DVL2: variants seen among roughly 807,000 people sequenced by gnomAD.
The protein encoded by DVL2 is dishevelled segment polarity protein 2.
Under a neutral mutation model 69.8 loss-of-function variants are expected in DVL2, and 38 were observed. That is an observed-to-expected ratio of 0.54 (90% CI 0.42 to 0.71). DVL2 has a LOEUF of 0.71. DVL2 is among the 30% of genes least tolerant of loss of function. The pLI, the probability that DVL2 is intolerant of heterozygous loss-of-function variation, is 0.00. For missense variants in DVL2, 931 were observed against 1,008.1 expected (o/e 0.92, Z 1.04); for synonymous variants, 428 against 392.4 (o/e 1.09, Z -1.07).
chr17:7,234,027 C>CT, intron 1 of DVL2, 42 bp downstream of exon 1: 1 of 1,605,658 alleles, frequency 6.2e-7, no homozygotes, highest in Non-Finnish European at 8.5e-7. Context: ...CCAATCCACT[C>CT]TAGCAAAGCC....
At chr17:7,226,882 C>T (rs924532469) in intron 13 of DVL2, 3 of 637,932 alleles carry the variant, frequency 4.7e-6, no homozygotes, top group African/African-American at 1.8e-5. Context: ...CCGGTGGACA[C>T]AGTCCTGCAC....
chr17:7,228,933 G>T (rs760224137), intron 9 of DVL2, 36 bp downstream of exon 9: 8 of 1,591,810 alleles, frequency 5.0e-6, no homozygotes, highest in Non-Finnish European at 6.9e-6. Context: ...GAAAAAAAAA[G>T]AGGACTGAGG....
At chr17:7,230,958 GA>G (rs536947193) in intron 1 of DVL2, among the ~76,000 whole-genome samples, 161 bp from the exon 2 acceptor site, 42 of 152,060 alleles carry the variant, frequency 2.8e-4, no homozygotes, top group African/African-American at 9.4e-4. Flanking sequence ...CGACACCTAA[GA>G]AATCTCCAAA....
intron 10 of DVL2, 92 bp from the exon 11 acceptor site, chr17:7,227,875 C>T: frequency 2.6e-6 from 4 of 1,559,138 alleles, no homozygotes; most frequent in Non-Finnish European, 2.6e-6. Flanking sequence ...CCACCTCTGC[C>T]TGGACCCTCC....
rs1414725847 is a variant in DVL2, at chr17:7,229,508, G to A, written c.748-61C>T. 2 of 1,612,284 alleles carry A rather than the reference G, an allele frequency of 1.2e-6. No individual in the cohort carries two copies. Among genetic ancestry groups the A allele is most frequent in the East Asian group, 2.2e-5 (1 of 44,890 alleles). Reference sequence around the variant, plus strand: ...AACCCAGGGTCAACCCTGGGGTGCTGCCGGTGTCCTGGCACCGCCCAAACC... The same window carrying A: ...AACCCAGGGTCAACCCTGGGGTGCTACCGGTGTCCTGGCACCGCCCAAACC... On this transcript the variant is annotated intron_variant, in intron 6 of 14. Transcript: ENST00000005340. The surrounding 1 kb of genome is among the most constrained non-coding windows in gnomAD (Gnocchi z 4.4).
chr17:7,233,538 G>T (rs368203563), intron 1 of DVL2, among the ~76,000 whole-genome samples: 3 of 152,140 alleles, frequency 2.0e-5, no homozygotes, highest in Non-Finnish European at 4.4e-5. Context: ...CCGCCTCCCA[G>T]GTTCAAGAGA....
rs200861978 is a variant in DVL2 at position 7,229,328 on chromosome 17, C to T, written c.817+50G>A. 1.9e-4 allele frequency: 303 copies of T among 1,613,426 alleles called. 1 individual carries two copies. The African/African-American group carries it at 3.6e-3, about 19-fold the overall frequency. ...AGCCCCTGCCACAGGACGCCCGGAA[C>T]CCTAGAGACCAGGCCCTCCCCACGC... On this transcript the variant is annotated intron_variant, in intron 7 of 14. Transcript: ENST00000005340. This position sits in a 1 kb window ranked among gnomAD's most constrained non-coding sequence, Gnocchi z 4.4.
At chr17:7,233,853 A>T (rs144259949) in intron 1 of DVL2, 63 of 617,552 alleles carry the variant, frequency 1.0e-4, no homozygotes, top group Admixed American at 7.9e-4. Context: ...ATCTTGTCTA[A>T]TCTGGTTTAG....
rs2071431873 is a variant in DVL2 at position 7,225,656 on chromosome 17, AC to A, written c.*208del. The A allele has an allele frequency of 5.3e-6, 3 of 567,234 alleles. No homozygotes were observed. Among genetic ancestry groups the A allele is most frequent in the East Asian group, 6.0e-5 (2 of 33,074 alleles). 35.1% of individuals were successfully genotyped at this position (567,234 alleles called of 1,614,324 possible). On this transcript the variant is annotated 3_prime_UTR_variant, in exon 15 of 15. Coordinates refer to ENST00000005340, the MANE Select transcript of DVL2 (RefSeq NM_004422.3). ...AACCCCCAAAAAGGCTTATAAAAAA[AC>A]AAAGCTAAAAATAATCAAAGGTCCC...
rs985536911 is a variant in DVL2, at chr17:7,226,700, C to T, written c.1544-61G>A. 8.5e-6 allele frequency: 11 copies of T among 1,295,474 alleles called. No homozygotes were observed. In the African/African-American group the frequency reaches 1.0e-4, roughly 12 times the overall value. 80.2% of individuals were successfully genotyped at this position (1,295,474 alleles called of 1,614,324 possible). A position where few individuals can be genotyped will look rare whatever the true frequency, so the allele number is the denominator to read the frequency against. ...TTCAAGAGGCTAGGGCCCCAAGACA[C>T]CGAATGGAGAGGAACTGGGAACAGT... On this transcript the variant is annotated intron_variant, in intron 13 of 14. Transcript: ENST00000005340.
chr17:7,233,260 T>A (rs552307590), intron 1 of DVL2, among the ~76,000 whole-genome samples: 9 of 152,084 alleles, frequency 5.9e-5, no homozygotes, highest in Admixed American at 5.2e-4. Flanking sequence ...CAGCCTACAA[T>A]GCCCCCACAC....
At chr17:7,227,841 C>A (rs1017290510) in intron 10 of DVL2, 58 bp from the exon 11 acceptor site, 7 of 1,556,384 alleles carry the variant, frequency 4.5e-6, no homozygotes, top group Non-Finnish European at 6.1e-6. Flanking sequence ...CCAGCCCAGT[C>A]CCTCCCTGAC....
rs1286990031 is a variant in DVL2 at position 7,227,586 on chromosome 17, G to A, written c.1232-51C>T. ...AGAGTCAGGGATCGCTCCCACAAGGGCAATGGATCAGACCACTGCGGGACA... is the reference window on the plus strand; with the variant it reads ...AGAGTCAGGGATCGCTCCCACAAGGACAATGGATCAGACCACTGCGGGACA... On this transcript the variant is annotated intron_variant, in intron 11 of 14. Coordinates refer to ENST00000005340, the MANE Select transcript of DVL2 (RefSeq NM_004422.3). The A allele has an allele frequency of 2.5e-6, 4 of 1,613,250 alleles. No homozygotes were observed. In the African/African-American group the frequency reaches 5.3e-5, roughly 22 times the overall value.
At chr17:7,232,685 C>T (rs547736263) in intron 1 of DVL2, among the ~76,000 whole-genome samples, 3 of 152,338 alleles carry the variant, frequency 2.0e-5, no homozygotes, top group African/African-American at 7.2e-5. Context: ...AAGATAACTC[C>T]CAAGATAGTA....
rs2071597075 is a variant in DVL2, at chr17:7,234,178, C to T, written c.85G>A (p.Val29Met). 1 of 1,614,032 alleles carries T rather than the reference C, an allele frequency of 6.2e-7. No homozygotes were observed. The highest frequency in any genetic ancestry group is 1.7e-5 in the Admixed American group (1 of 60,008). ...CGCTCGGCGGGGACAGGGATCTTCACCAGGTAGGGAGTCTCTTCCTCATCC... is the reference window on the plus strand; with the variant it reads ...CGCTCGGCGGGGACAGGGATCTTCATCAGGTAGGGAGTCTCTTCCTCATCC... ...HLDEEETPYL[V>M]KIPVPAERIT... The change falls in exon 1 of 15, where the codon GTG becomes ATG. Residue 29 changes from valine to methionine, a missense_variant. Coordinates refer to ENST00000005340, the MANE Select transcript of DVL2 (RefSeq NM_004422.3).
rs2071479851 is a variant in DVL2, at chr17:7,227,726, G to A, written c.1160C>T (p.Thr387Ile). ...AAWVSHSAAL[T>I]GTFPAYPGSS... is the part of the protein sequence containing the mutation. ...ACCTGGATAGGCTGGGAAGGTGCCAGTCAGAGCCGCGGAATGGGACACCCA... is the reference window on the plus strand; with the variant it reads ...ACCTGGATAGGCTGGGAAGGTGCCAATCAGAGCCGCGGAATGGGACACCCA... The change falls in exon 11 of 15, where the codon ACT (threonine) becomes ATT (isoleucine). Residue 387 changes from threonine to isoleucine, a missense_variant. Thr to Ile is a moderately conservative substitution (Grantham distance 89). This residue lies in a region of DVL2 where 555 missense variants were observed against 588.8 expected (regional missense o/e 0.94). Coordinates refer to ENST00000005340, the MANE Select transcript of DVL2 (RefSeq NM_004422.3). The A allele has an allele frequency of 4.4e-6, 7 of 1,608,152 alleles. No homozygotes were observed. Among genetic ancestry groups the A allele is most frequent in the African/African-American group, 1.3e-5 (1 of 74,886 alleles).
At position 7,226,047 on chromosome 17, in the gene DVL2, A is replaced by T. The variant is rs771770725; in HGVS notation, c.2029T>A (p.Tyr677Asn). The T allele has an allele frequency of 6.2e-7, 1 of 1,608,472 alleles. No individual in the cohort carries two copies. Among genetic ancestry groups the T allele is most frequent in the African/African-American group, 1.3e-5 (1 of 74,776 alleles). ...ATCATGACCACCATCATGGGGTTGTAGGGGAGGGCCATGCCAGGGGGCGGT... is the reference window on the plus strand; with the variant it reads ...ATCATGACCACCATCATGGGGTTGTTGGGGAGGGCCATGCCAGGGGGCGGT... ...YGPPPGMALP[Y>N]NPMMVVMMPP... Residue 677 changes from tyrosine (Y) to asparagine (N), a missense_variant, in exon 15 of 15, where the codon TAC becomes AAC. Coordinates refer to ENST00000005340, the MANE Select transcript of DVL2 (RefSeq NM_004422.3).
chr17:7,233,858 G>C (rs1243011260), intron 1 of DVL2: 2 of 628,230 alleles, frequency 3.2e-6, no homozygotes, highest in African/African-American at 3.7e-5. Context: ...GTCTAATCTG[G>C]TTTAGGATAT....
At chr17:7,233,959 A>T in intron 1 of DVL2, 110 bp downstream of exon 1, 1 of 1,202,506 alleles carries the variant, frequency 8.3e-7, no homozygotes, top group Non-Finnish European at 1.2e-6. Context: ...AATCTGCTCC[A>T]CCATAGGCCA....
Sources: gnomAD v4.1 joint callset for allele counts (sites outside exome capture counted in the v4.1 genomes callset) on GRCh38, gnomAD v4.1.1 for gene constraint, gnomAD v4.1.1 regional missense constraint, Gnocchi (gnomAD v3.1) non-coding constraint, MANE v1.5 for transcripts, NCBI Gene and HGNC (gene_info 2026-07-23, HGNC 2026-07-21) for gene names.